The following STK24 variants were observed in gnomAD, a reference collection of about 807,000 sequenced individuals.
STK24 encodes serine/threonine kinase 24.
Under a neutral mutation model 55.6 loss-of-function variants are expected in STK24, and 21 were observed. The observed-to-expected ratio is 0.38, with a 90% CI of 0.27 to 0.54. The LOEUF is 0.54. Among genes scored for constraint, STK24 ranks in the 20% least tolerant of loss-of-function variants. The probability of loss-of-function intolerance (pLI) is 0.79; values close to 1 mark genes in which losing one functional copy is unlikely to be tolerated. For synonymous variants in STK24, 200 were observed against 215.2 expected, an observed-to-expected ratio of 0.93 and a Z score of 0.62; for missense variants, 383 against 538.4, an observed-to-expected ratio of 0.71 and a Z score of 2.86.
intron 1 of STK24, among the ~76,000 whole-genome samples, chr13:98,552,182 T>C (rs769144905): frequency 6.6e-6 from 1 of 152,196 alleles, no homozygotes; most frequent in Admixed American, 6.5e-5. Context: ...TTTGAATAAA[T>C]TAAACTTTAT....
chr13:98,544,486 C>T (rs1321334308), intron 1 of STK24, among the ~76,000 whole-genome samples: 1 of 152,232 alleles, frequency 6.6e-6, no homozygotes, highest in Non-Finnish European at 1.5e-5. Flanking sequence ...CCTGGAGTAT[C>T]TCATCCCGCC....
rs60259286 is a variant in STK24 at position 98,450,039 on chromosome 13, ATGAT to A, written c.*3130_*3133del. On this transcript the variant is annotated 3_prime_UTR_variant, in exon 11 of 11. Transcript: ENST00000539966. ...AGTCTCCTCAGCTATTTATTTCTGAATGATTGATTGATTCCAAACTACTTGCTGG... is the reference window on the plus strand; with the variant it reads ...AGTCTCCTCAGCTATTTATTTCTGAATGATTGATTCCAAACTACTTGCTGG... 39,314 of 151,914 alleles carry A rather than the reference ATGAT, an allele frequency of 0.26. 5,182 individuals carry two copies. Among genetic ancestry groups the A allele is most frequent in the Non-Finnish European group, 0.3 (20,134 of 67,864 alleles). The allele number at this position is 151,914 out of a possible 1,614,324, so 9.4% of individuals were successfully genotyped here.
At chr13:98,514,237 C>T (rs1250807516) in intron 2 of STK24, among the ~76,000 whole-genome samples, 1 of 152,234 alleles carries the variant, frequency 6.6e-6, no homozygotes, top group Non-Finnish European at 1.5e-5. Flanking sequence ...TGGACACTGA[C>T]CTGCACAGCA....
chr13:98,504,367 A>C (rs1594619451), intron 2 of STK24, among the ~76,000 whole-genome samples: 1 of 152,202 alleles, frequency 6.6e-6, no homozygotes. Flanking sequence ...TTGCTCTGGG[A>C]AAATGCAGAT....
At chr13:98,478,103 C>G (rs1422694392) in intron 3 of STK24, among the ~76,000 whole-genome samples, 2 of 152,212 alleles carry the variant, frequency 1.3e-5, no homozygotes, top group African/African-American at 2.4e-5. Context: ...TGTCTACCCC[C>G]CAGAGTGCCT....
At chr13:98,556,109 A>G (rs1279811121) in intron 1 of STK24, among the ~76,000 whole-genome samples, 4 of 152,120 alleles carry the variant, frequency 2.6e-5, no homozygotes, top group East Asian at 3.9e-4. Flanking sequence ...GAAGAACTCT[A>G]TCTTTCCTGA....
chr13:98,543,694 T>C (rs9556969), intron 1 of STK24, among the ~76,000 whole-genome samples: 40,693 of 151,966 alleles, frequency 0.27, 6,191 homozygotes, highest in East Asian at 0.42. Context: ...AGGATGGTGC[T>C]GAACTATGGT....
At chr13:98,467,907 G>A (rs1326496491) in intron 5 of STK24, among the ~76,000 whole-genome samples, 2 of 152,220 alleles carry the variant, frequency 1.3e-5, no homozygotes, top group Non-Finnish European at 2.9e-5. Context: ...ATGGGCTGGC[G>A]AAAGACGAAT....
At chr13:98,522,117 G>T in intron 1 of STK24, 4 of 1,279,286 alleles carry the variant, frequency 3.1e-6, no homozygotes, top group Non-Finnish European at 4.0e-6. Context: ...GTGCTGCAAT[G>T]TCGTGTCTGA....
At chr13:98,458,447 T>C (rs1209945930) in intron 9 of STK24, among the ~76,000 whole-genome samples, 1 of 152,202 alleles carries the variant, frequency 6.6e-6, no homozygotes, top group East Asian at 1.9e-4. Flanking sequence ...GCTTCTCTCT[T>C]CGCTACTGAA....
At chr13:98,572,396 G>A (rs1897765568) in intron 1 of STK24, among the ~76,000 whole-genome samples, 1 of 152,070 alleles carries the variant, frequency 6.6e-6, no homozygotes, top group Non-Finnish European at 1.5e-5. Flanking sequence ...ATGGTAACAG[G>A]GTAACTGGGC....
At chr13:98,502,147 C>A (rs1895492757) in intron 2 of STK24, among the ~76,000 whole-genome samples, 1 of 152,204 alleles carries the variant, frequency 6.6e-6, no homozygotes, top group Non-Finnish European at 1.5e-5. Flanking sequence ...CAACCCTGCC[C>A]TGATCATCCA....
intron 9 of STK24, among the ~76,000 whole-genome samples, chr13:98,459,549 G>A (rs80109264): frequency 0.021 from 3,247 of 152,326 alleles, 113 homozygotes; most frequent in African/African-American, 0.073. Flanking sequence ...CATGGCCGGG[G>A]GTCCCCCGCT....
chr13:98,496,368 G>GA (rs911724511), intron 2 of STK24, among the ~76,000 whole-genome samples: 2 of 152,290 alleles, frequency 1.3e-5, no homozygotes, highest in East Asian at 1.9e-4. Context: ...AATTCTCATG[G>GA]AAAAAAGAAG....
At position 98,531,535 on chromosome 13, in the gene STK24, T is replaced by C. The variant is rs11619955; in HGVS notation, c.43-12062A>G. Among the ~76,000 whole-genome samples the C allele has an allele frequency of 9.5e-3, 1,445 of 152,256 alleles. 6 individuals carry two copies. Among genetic ancestry groups the C allele is most frequent in the Non-Finnish European group, 0.014 (936 of 67,998 alleles). ...CTTAGGGACTCCCCCAGTCAGATCC[T>C]GGGGCTCCACACACCAGCCAACCCT... On this transcript the variant is annotated intron_variant, in intron 1 of 10. Transcript: ENST00000539966.
chr13:98,522,664 C>T (rs1212818706), intron 1 of STK24, among the ~76,000 whole-genome samples: 1 of 152,218 alleles, frequency 6.6e-6, no homozygotes, highest in Non-Finnish European at 1.5e-5. Flanking sequence ...CCCACAGTAG[C>T]CCTCTGCTCT....
intron 1 of STK24, among the ~76,000 whole-genome samples, chr13:98,572,081 CTG>C (rs1224492261): frequency 6.6e-6 from 1 of 152,226 alleles, no homozygotes; most frequent in Non-Finnish European, 1.5e-5. Flanking sequence ...CCACCAGAAG[CTG>C]TGTCACCGCT....
intron 4 of STK24, 31 bp from the exon 5 acceptor site, chr13:98,475,009 G>A (rs746970052): frequency 1.4e-5 from 22 of 1,581,348 alleles, no homozygotes; most frequent in African/African-American, 2.7e-5. Flanking sequence ...GGCCCTGGGC[G>A]GTGCGGACTT....
intron 1 of STK24, among the ~76,000 whole-genome samples, chr13:98,546,391 T>C (rs1897029787): frequency 6.6e-6 from 1 of 151,910 alleles, no homozygotes; most frequent in Non-Finnish European, 1.5e-5. Context: ...CACGAGTAAA[T>C]CACTTTAAAA....
Sources: gnomAD v4.1 joint callset for allele counts (sites outside exome capture counted in the v4.1 genomes callset) on GRCh38, gnomAD v4.1.1 for gene constraint, MANE v1.5 for transcripts, NCBI Gene and HGNC (gene_info 2026-07-23, HGNC 2026-07-21) for gene names.